Variants in FLRT2 observed in about 807,000 individuals in gnomAD.
FLRT2 encodes the protein fibronectin leucine rich transmembrane protein 2, also known as leucine-rich repeat transmembrane protein FLRT2.
A neutral mutation model predicts 40.0 loss-of-function variants in FLRT2; 15 were observed. The observed-to-expected ratio is 0.38, with a 90% CI of 0.25 to 0.58. The LOEUF (loss-of-function observed/expected upper bound fraction) is 0.58, where lower values mean the gene tolerates loss of function less well. FLRT2 is among the 20% of genes least tolerant of loss of function. The pLI, the probability that FLRT2 is intolerant of heterozygous loss-of-function variation, is 0.71. For missense variants in FLRT2, 726 were observed against 840.0 expected (o/e 0.86, Z 1.68); for synonymous variants, 380 against 336.8 (o/e 1.13, Z -1.41).
At chr14:85,568,554 C>T (rs1890739274) in intron 1 of FLRT2, among the ~76,000 whole-genome samples, 1 of 152,142 alleles carries the variant, frequency 6.6e-6, no homozygotes, top group African/African-American at 2.4e-5. Flanking sequence ...CAGCTCTGGA[C>T]CAAATTGCAC....
At chr14:85,568,859 A>G (rs1380767747) in intron 1 of FLRT2, among the ~76,000 whole-genome samples, 1 of 152,194 alleles carries the variant, frequency 6.6e-6, no homozygotes, top group Non-Finnish European at 1.5e-5. Context: ...TGTGGTATGT[A>G]AATCATCTAG....
chr14:85,588,033 G>A lies in FLRT2; in HGVS notation c.-376-33106G>A, dbSNP rs575264507. Among the ~76,000 whole-genome samples the A allele has an allele frequency of 2.2e-3, 331 of 152,038 alleles. 1 individual carries two copies. The highest frequency in any genetic ancestry group is 7.8e-3 in the African/African-American group (322 of 41,500). ...CGCAATCTCGGCCTCCCGGGTTCAT[G>A]CCATTCTCCTGCCTCAGCCTCCCGA... On this transcript the variant is annotated intron_variant, in intron 1 of 1. Coordinates refer to ENST00000330753, the MANE Select transcript of FLRT2 (RefSeq NM_013231.6).
intron 1 of FLRT2, among the ~76,000 whole-genome samples, chr14:85,544,280 G>A (rs1252848539): frequency 6.6e-6 from 1 of 152,166 alleles, no homozygotes; most frequent in African/African-American, 2.4e-5. Context: ...CACTGGATAG[G>A]TCTGTTTAAA....
rs1270017866 is a variant in FLRT2, at chr14:85,621,816, A to G, written c.302A>G (p.Asp101Gly). ...GTCTACCTGTATGGCAACCAACTGGACGAATTCCCCATGAACCTTCCCAAG... is the reference window on the plus strand; with the variant it reads ...GTCTACCTGTATGGCAACCAACTGGGCGAATTCCCCATGAACCTTCCCAAG... ...HTVYLYGNQL[D>G]EFPMNLPKNV... Residue 101 changes from aspartate to glycine, a missense_variant, in exon 2 of 2, where the codon GAC becomes GGC. Physicochemically the swap from Asp to Gly is moderately conservative, Grantham distance 94. Around this residue, in one of 3 missense-constraint regions of FLRT2, gnomAD observed 106 missense variants for 121.2 expected, o/e 0.87. Transcript: ENST00000330753. The G allele has an allele frequency of 6.2e-7, 1 of 1,614,180 alleles. No homozygotes were observed.
In FLRT2 at chr14:85,621,811, A is replaced by G. The variant is rs764176554; in HGVS notation, c.297A>G (p.Gln99=). 1.9e-6 allele frequency: 3 copies of G among 1,614,070 alleles called. No individual in the cohort carries two copies. Among genetic ancestry groups the G allele is most frequent in the African/African-American group, 2.7e-5 (2 of 74,934 alleles). Residue 99 remains glutamine (Q), a synonymous_variant, in exon 2 of 2, where the codon CAA becomes CAG. Transcript: ENST00000330753. ...ACACGGTCTACCTGTATGGCAACCA[A>G]CTGGACGAATTCCCCATGAACCTTC... ...SVHTVYLYGN[Q]LDEFPMNLPK... is the part of the protein sequence containing the mutation.
At chr14:85,581,535 G>T (rs8022059) in intron 1 of FLRT2, among the ~76,000 whole-genome samples, 1 of 152,082 alleles carries the variant, frequency 6.6e-6, no homozygotes, top group East Asian at 1.9e-4. Flanking sequence ...CTGAGTCTTC[G>T]TGGGCCTTCA....
chr14:85,562,620 C>CTTTTTTCT (rs1890410588), intron 1 of FLRT2: 1 of 115,522 alleles, frequency 8.7e-6, no homozygotes, highest in East Asian at 2.7e-4. Context: ...TTCTTTCTTT[C>CTTTTTTCT]TTTTTTTTTT....
At chr14:85,553,358 G>T (rs1405281593) in intron 1 of FLRT2, among the ~76,000 whole-genome samples, 1 of 152,126 alleles carries the variant, frequency 6.6e-6, no homozygotes, top group East Asian at 1.9e-4. Flanking sequence ...GTGAGGCTAT[G>T]CTGCTGGGAC....
chr14:85,537,617 C>A (rs1483562430), intron 1 of FLRT2, among the ~76,000 whole-genome samples: 3 of 151,476 alleles, frequency 2.0e-5, no homozygotes, highest in South Asian at 4.2e-4. Context: ...CACACACACA[C>A]AACACACACA....
chr14:85,635,180 G>A lies in FLRT2; in HGVS notation c.*11683G>A, dbSNP rs1159671594. 1 of 152,150 alleles carries A rather than the reference G, an allele frequency of 6.6e-6. No individual in the cohort carries two copies. The highest frequency in any genetic ancestry group is 1.9e-4 in the East Asian group (1 of 5,194). 9.4% of individuals were successfully genotyped at this position (152,150 alleles called of 1,614,324 possible). A position where few individuals can be genotyped will look rare whatever the true frequency, so the allele number is the denominator to read the frequency against. On this transcript the variant is annotated 3_prime_UTR_variant, in exon 2 of 2. Transcript: ENST00000330753. ...AGGAGCTACAGAATCACAAAGAACT[G>A]TGACTTTGTATCTGTGTGATATTAT...
intron 1 of FLRT2, among the ~76,000 whole-genome samples, chr14:85,535,005 C>G (rs1276037492): frequency 1.3e-5 from 2 of 152,196 alleles, no homozygotes; most frequent in Non-Finnish European, 2.9e-5. Context: ...AAGAGAATCT[C>G]TTGTAAAGCT....
At chr14:85,535,836 T>C (rs1888611075) in intron 1 of FLRT2, among the ~76,000 whole-genome samples, 1 of 150,508 alleles carries the variant, frequency 6.6e-6, no homozygotes, top group African/African-American at 2.4e-5. Flanking sequence ...GTAAAAAGAA[T>C]TGGGCTAGCT....
At position 85,642,444 on chromosome 14, in the gene FLRT2, T is replaced by C. The variant is rs915402065; in HGVS notation, c.*18947T>C. 2 of 152,184 alleles carry C rather than the reference T, an allele frequency of 1.3e-5. No homozygotes were observed. The highest frequency in any genetic ancestry group is 2.9e-5 in the Non-Finnish European group (2 of 68,040). 9.4% of individuals were successfully genotyped at this position (152,184 alleles called of 1,614,324 possible). A position where few individuals can be genotyped will look rare whatever the true frequency, so the allele number is the denominator to read the frequency against. ...CTTACCTGAGGTAACTAATGTAAAATAGCTTGTTCTGATCACCTCACTGCC... is the reference window on the plus strand; with the variant it reads ...CTTACCTGAGGTAACTAATGTAAAACAGCTTGTTCTGATCACCTCACTGCC... On this transcript the variant is annotated 3_prime_UTR_variant, in exon 2 of 2. Coordinates refer to ENST00000330753, the MANE Select transcript of FLRT2 (RefSeq NM_013231.6).
chr14:85,615,732 T>C (rs1316154309), intron 1 of FLRT2, among the ~76,000 whole-genome samples: 1 of 152,398 alleles, frequency 6.6e-6, no homozygotes, highest in East Asian at 1.9e-4. Context: ...AGAGAATTCC[T>C]CTTCAGTATA....
At chr14:85,566,382 C>T (rs1890615332) in intron 1 of FLRT2, among the ~76,000 whole-genome samples, 5 of 152,088 alleles carry the variant, frequency 3.3e-5, no homozygotes. Flanking sequence ...GCAAACATAA[C>T]AAAGTATTAT....
In FLRT2 at chr14:85,622,420, G is replaced by A. The variant is rs1360944322; in HGVS notation, c.906G>A (p.Leu302=). ...GGGTTTTTGATAATCTCTCCAACCTGAAGCAGCTCACTGCTCGGAATAACC... is the reference window on the plus strand; with the variant it reads ...GGGTTTTTGATAATCTCTCCAACCTAAAGCAGCTCACTGCTCGGAATAACC... ...TQGVFDNLSN[L]KQLTARNNPW... The change falls in exon 2 of 2, where the codon CTG becomes CTA. Residue 302 remains leucine, a synonymous_variant. Coordinates refer to ENST00000330753, the MANE Select transcript of FLRT2 (RefSeq NM_013231.6). 1 of 1,614,122 alleles carries A rather than the reference G, an allele frequency of 6.2e-7. No individual in the cohort carries two copies. Among genetic ancestry groups the A allele is most frequent in the South Asian group, 1.1e-5 (1 of 91,072 alleles).
chr14:85,592,807 A>G (rs74840961), intron 1 of FLRT2, among the ~76,000 whole-genome samples: 1 of 69,290 alleles, frequency 1.4e-5, no homozygotes, highest in African/African-American at 6.6e-5. Context: ...AAAAAAAAAA[A>G]GAAAAAAAAG....
In FLRT2 at chr14:85,640,062, A is replaced by G. The variant is rs983959931; in HGVS notation, c.*16565A>G. On this transcript the variant is annotated 3_prime_UTR_variant, in exon 2 of 2. Coordinates refer to ENST00000330753, the MANE Select transcript of FLRT2 (RefSeq NM_013231.6). ...ACGAGGTTTCACCGTGTTAGCCAGGATGGTCTCGATTTCCTGACCTCGTGA... is the reference window on the plus strand; with the variant it reads ...ACGAGGTTTCACCGTGTTAGCCAGGGTGGTCTCGATTTCCTGACCTCGTGA... The G allele has an allele frequency of 6.6e-6, 1 of 151,952 alleles. No homozygotes were observed. The highest frequency in any genetic ancestry group is 2.4e-5 in the African/African-American group (1 of 41,324). 9.4% of individuals were successfully genotyped at this position (151,952 alleles called of 1,614,324 possible).
At position 85,627,129 on chromosome 14, in the gene FLRT2, A is replaced by G. The variant is rs979359798; in HGVS notation, c.*3632A>G. 2 of 167,066 alleles carry G rather than the reference A, an allele frequency of 1.2e-5. No individual in the cohort carries two copies. Among genetic ancestry groups the G allele is most frequent in the African/African-American group, 4.8e-5 (2 of 41,448 alleles). 10.3% of individuals were successfully genotyped at this position (167,066 alleles called of 1,614,324 possible). A position where few individuals can be genotyped will look rare whatever the true frequency, so the allele number is the denominator to read the frequency against. ...TTATAGCATTTTTCTCTAACCTATA[A>G]CAAGGAGACATTACATTTTACTTTA... is the stretch of plus-strand genomic sequence containing the variant. On this transcript the variant is annotated 3_prime_UTR_variant, in exon 2 of 2. Transcript: ENST00000330753.
Sources: gnomAD v4.1 joint callset for allele counts (sites outside exome capture counted in the v4.1 genomes callset) on GRCh38, gnomAD v4.1.1 for gene constraint, gnomAD v4.1.1 regional missense constraint, MANE v1.5 for transcripts, NCBI Gene and HGNC (gene_info 2026-07-23, HGNC 2026-07-21) for gene names.